Variants in DLGAP4 observed in about 807,000 individuals in gnomAD.
The protein encoded by DLGAP4 is disks large-associated protein 4.
DLGAP4 carries 18 observed loss-of-function variants against 86.9 expected under a neutral mutation model. That is an observed-to-expected ratio of 0.21 (90% CI 0.14 to 0.31). DLGAP4 has a LOEUF of 0.31. DLGAP4 is among the 10% of genes least tolerant of loss of function. The pLI, the probability that DLGAP4 is intolerant of heterozygous loss-of-function variation, is 1.00. For missense variants in DLGAP4, 1,085 were observed against 1,362.6 expected, an observed-to-expected ratio of 0.80 and a Z score of 3.21; for synonymous variants, 548 against 574.3, an observed-to-expected ratio of 0.95 and a Z score of 0.65.
intron 1 of DLGAP4, among the ~76,000 whole-genome samples, chr20:36,363,580 G>C (rs1249789177): frequency 4.6e-5 from 7 of 152,168 alleles, no homozygotes; most frequent in Non-Finnish European, 8.8e-5. Context: ...GGCCTGAGTG[G>C]CTGGAAGGGC....
In DLGAP4 at chr20:36,306,716, G is replaced by A. The variant is rs1375673174; in HGVS notation, c.-304+204G>A. Among the ~76,000 whole-genome samples, 1 of 152,186 alleles carries A rather than the reference G, an allele frequency of 6.6e-6. No individual in the cohort carries two copies. The highest frequency in any genetic ancestry group is 1.5e-5 in the Non-Finnish European group (1 of 68,020). ...GAGGGGCCGGCTGTGCGGCTGGGAA[G>A]CGCCTTCTCCGGTTGGGATCGCCCC... On this transcript the variant is annotated intron_variant, in intron 1 of 12. Transcript: ENST00000339266. The surrounding 1 kb of genome is among the most constrained non-coding windows in gnomAD (Gnocchi z 4.9).
intron 1 of DLGAP4, among the ~76,000 whole-genome samples, chr20:36,323,401 A>G (rs2147348439): frequency 6.6e-6 from 1 of 152,246 alleles, no homozygotes. Flanking sequence ...TCACTTTGTC[A>G]ATGAGATTCA....
At chr20:36,409,885 T>A (rs1189758437) in intron 2 of DLGAP4, among the ~76,000 whole-genome samples, 1 of 150,970 alleles carries the variant, frequency 6.6e-6, no homozygotes, top group Non-Finnish European at 1.5e-5. Context: ...TACAAAAAAA[T>A]TAGCCGGGTA....
rs116309348 is a variant in DLGAP4 at position 36,405,920 on chromosome 20, G to A, written c.-72-25726G>A. Reference sequence around the variant, plus strand: ...GTAAGAGCAGCCCCTGGGGTGCAGCGATGCTTCTTCAAAGGTGATGAGGCA... The same window carrying A: ...GTAAGAGCAGCCCCTGGGGTGCAGCAATGCTTCTTCAAAGGTGATGAGGCA... On this transcript the variant is annotated intron_variant, in intron 2 of 12. Coordinates refer to ENST00000339266, the MANE Select transcript of DLGAP4 (RefSeq NM_001365621.2). 5.1e-3 allele frequency among the ~76,000 whole-genome samples: 780 copies of A among 152,226 alleles called. 5 individuals are homozygous for A. The highest frequency in any genetic ancestry group is 0.018 in the African/African-American group (745 of 41,538).
intron 1 of DLGAP4, among the ~76,000 whole-genome samples, chr20:36,310,833 G>A (rs2065047123): frequency 6.6e-6 from 1 of 152,178 alleles, no homozygotes. Context: ...GAGGGTGCTG[G>A]AGAGCAAACT....
chr20:36,506,511 C>T (rs1285417952), intron 10 of DLGAP4, among the ~76,000 whole-genome samples: 1 of 152,178 alleles, frequency 6.6e-6, no homozygotes, highest in Non-Finnish European at 1.5e-5. Flanking sequence ...GCTCATGTCC[C>T]TTATCCAAAA....
At chr20:36,476,452 C>T (rs772789710) in intron 7 of DLGAP4, among the ~76,000 whole-genome samples, 1 of 148,784 alleles carries the variant, frequency 6.7e-6, no homozygotes. Flanking sequence ...CTCTGCCTCC[C>T]GAGTAGCTGG....
chr20:36,354,380 C>T (rs1292413319), intron 1 of DLGAP4, among the ~76,000 whole-genome samples: 1 of 152,232 alleles, frequency 6.6e-6, no homozygotes, highest in African/African-American at 2.4e-5. Flanking sequence ...GTTTACACTC[C>T]ATAAAATTCA....
rs2033638978 is a variant in DLGAP4 at position 36,447,911 on chromosome 20, G to T, written c.1648+974G>T. Among the ~76,000 whole-genome samples, 3 of 121,162 alleles carry T rather than the reference G, an allele frequency of 2.5e-5. 1 individual carries two copies. In the Admixed American group the frequency reaches 2.6e-4, roughly 10 times the overall value. The allele number at this position is 121,162 out of a possible 152,430, so 79.5% of individuals were successfully genotyped here. A position where few individuals can be genotyped will look rare whatever the true frequency, so the allele number is the denominator to read the frequency against. On this transcript the variant is annotated intron_variant, in intron 7 of 12. Coordinates refer to ENST00000339266, the MANE Select transcript of DLGAP4 (RefSeq NM_001365621.2). ...GGCCTATCAGGGGGGTGGGGGGGGG[G>T]GAGACAAGGGGAGGGAGAGCATTAG... is the stretch of plus-strand genomic sequence containing the variant.
In DLGAP4 at chr20:36,461,314, C is replaced by T. The variant is rs2034031829; in HGVS notation, c.1648+14377C>T. 8 of 331,946 alleles carry T rather than the reference C, an allele frequency of 2.4e-5. No individual in the cohort carries two copies. The South Asian group carries it at 9.3e-4, about 39-fold the overall frequency. 20.6% of individuals were successfully genotyped at this position (331,946 alleles called of 1,614,324 possible). A position where few individuals can be genotyped will look rare whatever the true frequency, so the allele number is the denominator to read the frequency against. On this transcript the variant is annotated intron_variant, in intron 7 of 12. Transcript: ENST00000339266. ...CGCGGCGGCCCGCGCGCCTGCCGAC[C>T]AGCCCGGCTGCGCGCGCCGGGCCAC... is the stretch of plus-strand genomic sequence containing the variant.
chr20:36,427,851 G>A (rs921752440), intron 2 of DLGAP4, among the ~76,000 whole-genome samples: 3 of 151,846 alleles, frequency 2.0e-5, no homozygotes, highest in East Asian at 3.9e-4. Flanking sequence ...GCTGAGGCAC[G>A]AGAATCGCTG....
chr20:36,479,720 C>T (rs1268522462), intron 7 of DLGAP4, among the ~76,000 whole-genome samples: 1 of 151,928 alleles, frequency 6.6e-6, no homozygotes, highest in African/African-American at 2.4e-5. Flanking sequence ...ATTGACAAGG[C>T]AGAGAGGCCA....
intron 2 of DLGAP4, among the ~76,000 whole-genome samples, chr20:36,369,369 G>A (rs1372270900): frequency 6.6e-6 from 1 of 152,188 alleles, no homozygotes; most frequent in African/African-American, 2.4e-5. Context: ...GAGGCAGGCG[G>A]ATCATCTGAG....
chr20:36,310,185 AAAGAAAGAAAGAAAGAAAGAAAGAAAG>A (rs2065040747), intron 1 of DLGAP4, among the ~76,000 whole-genome samples: 7 of 6,200 alleles, frequency 1.1e-3, no homozygotes, highest in Admixed American at 3.9e-3. Flanking sequence ...AAAAAAAAAG[AAAGAAAGAAAGAAAGAAAGAAAGAAAG>A]AAAGAAAGAA....
At chr20:36,475,828 AT>A (rs932029512) in intron 7 of DLGAP4, among the ~76,000 whole-genome samples, 2 of 152,090 alleles carry the variant, frequency 1.3e-5, no homozygotes, top group African/African-American at 4.8e-5. Context: ...TCACTAGTCC[AT>A]TTTTAACACT....
intron 11 of DLGAP4, 125 bp from the exon 12 acceptor site, chr20:36,525,726 C>T (rs1048173908): frequency 2.3e-6 from 3 of 1,278,720 alleles, no homozygotes; most frequent in African/African-American, 3.0e-5. Flanking sequence ...CTTACCCAGA[C>T]ACTAGGCCTC....
intron 10 of DLGAP4, among the ~76,000 whole-genome samples, chr20:36,519,103 CGA>C (rs1254541536): frequency 6.0e-5 from 9 of 149,942 alleles, no homozygotes; most frequent in African/African-American, 2.0e-4. Flanking sequence ...GGCAACAGTG[CGA>C]GACTCCATCT....
rs34145008 is a variant in DLGAP4 at position 36,424,738 on chromosome 20, GTT to G, written c.-72-6894_-72-6893del. ...TCCTGTTTTTTTGTTTGTTTTGTTT[GTT>G]TTTTTTTTTTTTTGAGACAGAGTCT... On this transcript the variant is annotated intron_variant, in intron 2 of 12. Coordinates refer to ENST00000339266, the MANE Select transcript of DLGAP4 (RefSeq NM_001365621.2). Among the ~76,000 whole-genome samples, 971 of 139,280 alleles carry G rather than the reference GTT, an allele frequency of 7.0e-3. 11 individuals carry two copies. The highest frequency in any genetic ancestry group is 0.024 in the African/African-American group (910 of 38,100). 91.4% of individuals were successfully genotyped at this position (139,280 alleles called of 152,430 possible).
chr20:36,338,225 G>T (rs782418906), intron 1 of DLGAP4, among the ~76,000 whole-genome samples: 1 of 152,164 alleles, frequency 6.6e-6, no homozygotes, highest in Non-Finnish European at 1.5e-5. Flanking sequence ...CGAGTGCAAG[G>T]GGGGAGGCAG....
Sources: allele counts gnomAD v4.1 joint callset (sites outside exome capture counted in the v4.1 genomes callset), GRCh38; gene constraint gnomAD v4.1.1; non-coding constraint Gnocchi (gnomAD v3.1); transcripts MANE v1.5; gene names NCBI Gene and HGNC (gene_info 2026-07-23, HGNC 2026-07-21).